Variants in PARD3B observed in about 807,000 individuals in gnomAD.
The protein encoded by PARD3B is partitioning defective 3 homolog B.
A neutral mutation model predicts 130.2 loss-of-function variants in PARD3B; 103 were observed. The observed-to-expected ratio is 0.79, with a 90% CI of 0.67 to 0.93. PARD3B has a LOEUF of 0.93. PARD3B is among the 40% of genes least tolerant of loss of function. The pLI is 0.00. For synonymous variants in PARD3B, 583 were observed against 553.2 expected (o/e 1.05, Z -0.76); for missense variants, 1,609 against 1,499.2 (o/e 1.07, Z -1.21).
At chr2:205,413,936 G>A (rs566817736) in intron 19 of PARD3B, among the ~76,000 whole-genome samples, 1 of 152,246 alleles carries the variant, frequency 6.6e-6, no homozygotes, top group African/African-American at 2.4e-5. Context: ...TGGAAGATAC[G>A]CCTTTTTAGG....
At chr2:205,464,167 G>C (rs1276936518) in intron 20 of PARD3B, among the ~76,000 whole-genome samples, 9 of 152,050 alleles carry the variant, frequency 5.9e-5, no homozygotes, top group Admixed American at 5.9e-4. Flanking sequence ...TCTATCCTAG[G>C]TTGGTTCCTT....
At chr2:204,757,737 A>G (rs1001986421) in intron 2 of PARD3B, among the ~76,000 whole-genome samples, 46 of 152,112 alleles carry the variant, frequency 3.0e-4, no homozygotes, top group African/African-American at 1.0e-3. Flanking sequence ...GACTTTTTTT[A>G]AACAAAAGAT....
chr2:205,583,403 G>A lies in PARD3B; in HGVS notation c.3260+30000G>A, dbSNP rs543323823. Among the ~76,000 whole-genome samples the A allele has an allele frequency of 5.4e-4, 40 of 74,230 alleles. 1 individual carries two copies. The highest frequency in any genetic ancestry group is 1.6e-3 in the African/African-American group (35 of 22,390). 48.7% of individuals were successfully genotyped at this position (74,230 alleles called of 152,430 possible). ...TGTGTGTGTGTGTGTGTGTGTGTGC[G>A]CGCGCACGCGCGTGTGAGAGAGAGA... On this transcript the variant is annotated intron_variant, in intron 22 of 22. Transcript: ENST00000406610.
At position 205,116,243 on chromosome 2, in the gene PARD3B, C is replaced by T. The variant is rs1704018912; in HGVS notation, c.680+2666C>T. ...TGAATTAAAAACATGAAATCTAATT[C>T]GTTTCAGTACAGATGCATAATATGC... On this transcript the variant is annotated intron_variant, in intron 6 of 22. Transcript: ENST00000406610. The surrounding 1 kb of genome is among the most constrained non-coding windows in gnomAD (Gnocchi z 4.5). Among the ~76,000 whole-genome samples, 1 of 152,040 alleles carries T rather than the reference C, an allele frequency of 6.6e-6. No homozygotes were observed. Among genetic ancestry groups the T allele is most frequent in the African/African-American group, 2.4e-5 (1 of 41,366 alleles).
chr2:205,614,754 G>A (rs1370485711), intron 22 of PARD3B, among the ~76,000 whole-genome samples: 2 of 151,812 alleles, frequency 1.3e-5, no homozygotes, highest in Non-Finnish European at 2.9e-5. Flanking sequence ...TCTGGCTTGG[G>A]ACTTTTTCTA....
chr2:205,457,742 A>G (rs575325438), intron 20 of PARD3B, among the ~76,000 whole-genome samples: 11 of 151,982 alleles, frequency 7.2e-5, no homozygotes, highest in East Asian at 1.9e-4. Flanking sequence ...ATTGTTTTCT[A>G]ACTTTCAATG....
intron 2 of PARD3B, among the ~76,000 whole-genome samples, chr2:204,821,424 A>G (rs1052980619): frequency 3.3e-5 from 5 of 151,972 alleles, no homozygotes; most frequent in Non-Finnish European, 5.9e-5. Flanking sequence ...ATTGGAAATC[A>G]TCATTCTCAG....
chr2:205,353,869 T>C (rs1218397816), intron 18 of PARD3B, among the ~76,000 whole-genome samples: 1 of 152,130 alleles, frequency 6.6e-6, no homozygotes, highest in Non-Finnish European at 1.5e-5. Flanking sequence ...AGCATTTTAA[T>C]AAACACTATC....
intron 19 of PARD3B, among the ~76,000 whole-genome samples, chr2:205,433,997 G>A (rs140891523): frequency 8.5e-5 from 13 of 152,202 alleles, no homozygotes; most frequent in African/African-American, 1.4e-4. Context: ...AACATATGTC[G>A]TCATTTCTTT....
intron 4 of PARD3B, among the ~76,000 whole-genome samples, chr2:205,101,278 A>G (rs1018469528): frequency 2.0e-5 from 3 of 152,192 alleles, no homozygotes; most frequent in African/African-American, 7.2e-5. Context: ...ACCCATTAGG[A>G]TGAATACAAT....
intron 16 of PARD3B, among the ~76,000 whole-genome samples, chr2:205,270,660 A>G (rs2040689351): frequency 6.6e-6 from 1 of 152,174 alleles, no homozygotes; most frequent in Non-Finnish European, 1.5e-5. Flanking sequence ...AGTAAGTAGT[A>G]TAGAAATGGG....
At position 205,288,958 on chromosome 2, in the gene PARD3B, T is replaced by A. The variant is rs2105865273; in HGVS notation, c.2186-11572T>A. 6.6e-6 allele frequency among the ~76,000 whole-genome samples: 1 copy of A among 152,330 alleles called. No individual in the cohort carries two copies. The highest frequency in any genetic ancestry group is 1.9e-4 in the East Asian group (1 of 5,184). The stretch of plus-strand genomic sequence containing the variant: ...GTTTGCAGAGATACCTGCTGGCCAG[T>A]GATCCCAAAAGTCCATGACCTTGTC... On this transcript the variant is annotated intron_variant, in intron 16 of 22. Coordinates refer to ENST00000406610, the MANE Select transcript of PARD3B (RefSeq NM_001302769.2). This position sits in a 1 kb window ranked among gnomAD's most constrained non-coding sequence, Gnocchi z 4.0.
intron 20 of PARD3B, among the ~76,000 whole-genome samples, chr2:205,478,666 C>T (rs1002310258): frequency 6.6e-6 from 1 of 152,178 alleles, no homozygotes; most frequent in Non-Finnish European, 1.5e-5. Flanking sequence ...CTTTATTAAT[C>T]AGAGTAGAGT....
At chr2:205,586,231 AG>A (rs1248964526) in intron 22 of PARD3B, among the ~76,000 whole-genome samples, 3 of 152,336 alleles carry the variant, frequency 2.0e-5, no homozygotes, top group East Asian at 3.9e-4. Context: ...GCCAATTCTC[AG>A]TTCAAGTTAC....
chr2:205,144,560 ACTT>A (rs1222536560), intron 10 of PARD3B, among the ~76,000 whole-genome samples: 1 of 152,134 alleles, frequency 6.6e-6, no homozygotes, highest in Admixed American at 6.5e-5. Flanking sequence ...GACCTAAGTG[ACTT>A]CTTATTTTAT....
At chr2:205,580,614 T>TA (rs1373461748) in intron 22 of PARD3B, among the ~76,000 whole-genome samples, 2 of 152,192 alleles carry the variant, frequency 1.3e-5, no homozygotes, top group African/African-American at 4.8e-5. Context: ...TTCAGTGCCT[T>TA]AAAAAAGGTG....
At chr2:205,013,129 GTT>G (rs2125313211) in intron 3 of PARD3B, among the ~76,000 whole-genome samples, 1 of 152,282 alleles carries the variant, frequency 6.6e-6, no homozygotes, top group Admixed American at 6.5e-5. Flanking sequence ...TTCAACATGA[GTT>G]TAGAACCAAA....
chr2:204,853,330 G>A (rs112947196), intron 2 of PARD3B, among the ~76,000 whole-genome samples: 1 of 152,130 alleles, frequency 6.6e-6, no homozygotes, highest in Non-Finnish European at 1.5e-5. Flanking sequence ...CAAGGAAGTC[G>A]TCTTGGTGGA....
At chr2:205,328,930 A>AT (rs1280296165) in intron 18 of PARD3B, among the ~76,000 whole-genome samples, 1 of 152,162 alleles carries the variant, frequency 6.6e-6, no homozygotes, top group Admixed American at 6.5e-5. Flanking sequence ...GTGAAATAGT[A>AT]TATCTTTTCT....
Sources: gnomAD v4.1 joint callset for allele counts (sites outside exome capture counted in the v4.1 genomes callset) on GRCh38, gnomAD v4.1.1 for gene constraint, Gnocchi (gnomAD v3.1) non-coding constraint, MANE v1.5 for transcripts, NCBI Gene and HGNC (gene_info 2026-07-23, HGNC 2026-07-21) for gene names.